The following ATAD2 variants were observed in gnomAD, a reference collection of about 807,000 sequenced individuals.
The protein encoded by ATAD2 is ATPase family AAA domain-containing protein 2.
Under a neutral mutation model 168.9 loss-of-function variants are expected in ATAD2, and 62 were observed. The ratio of observed to expected loss-of-function variants is 0.37; its 90% CI spans 0.30 to 0.45. The LOEUF is 0.45. Ranked by LOEUF, ATAD2 falls within the 20% of genes least tolerant of loss-of-function variation. The pLI, the probability that ATAD2 is intolerant of heterozygous loss-of-function variation, is 1.00. For missense variants in ATAD2, 1,419 were observed against 1,667.8 expected, an observed-to-expected ratio of 0.85 and a Z score of 2.60; for synonymous variants, 613 against 571.6, an observed-to-expected ratio of 1.07 and a Z score of -1.03.
intron 14 of ATAD2, among the ~76,000 whole-genome samples, chr8:123,348,505 A>G (rs1828330266): frequency 6.6e-6 from 1 of 151,924 alleles, no homozygotes; most frequent in African/African-American, 2.4e-5. Flanking sequence ...GGTGAAAACC[A>G]CTCTCTACTA....
intron 1 of ATAD2, among the ~76,000 whole-genome samples, chr8:123,412,251 C>T (rs1371681475): frequency 6.6e-6 from 1 of 152,134 alleles, no homozygotes; most frequent in Non-Finnish European, 1.5e-5. Context: ...ATGAGAGATG[C>T]ATTTGTATCT....
Position 123,380,703 on chromosome 8 carries a change from C to G in ATAD2, c.172-26G>C, listed in dbSNP as rs577257605. 126 of 1,588,112 alleles carry G rather than the reference C, an allele frequency of 7.9e-5. 1 individual carries two copies. The South Asian group carries it at 1.4e-3, about 17-fold the overall frequency. ...CTTTAAGAAAAATTAAGAAAGCCAT[C>G]TAAGTTTTTCTTTACAAAACTCCAA... On this transcript the variant is annotated intron_variant, in intron 1 of 27. Coordinates refer to ENST00000287394, the MANE Select transcript of ATAD2 (RefSeq NM_014109.4).
intron 2 of ATAD2, among the ~76,000 whole-genome samples, chr8:123,378,493 G>T (rs1287663560): frequency 6.6e-6 from 1 of 151,996 alleles, no homozygotes; most frequent in African/African-American, 2.4e-5. Context: ...CCTGAAGTCA[G>T]GAGTTCGAGA....
intron 26 of ATAD2, among the ~76,000 whole-genome samples, chr8:123,324,108 A>G (rs1223213127): frequency 6.6e-6 from 1 of 152,240 alleles, no homozygotes; most frequent in Non-Finnish European, 1.5e-5. Context: ...TCAGTTCCAC[A>G]TATATTTTTT....
chr8:123,414,703 A>G (rs1262189848), intron 1 of ATAD2, among the ~76,000 whole-genome samples: 1 of 152,244 alleles, frequency 6.6e-6, no homozygotes, highest in Non-Finnish European at 1.5e-5. Flanking sequence ...CTTACCGTAT[A>G]GAAGGTAGGG....
In ATAD2 at chr8:123,396,268, A is replaced by G; in HGVS notation, c.90T>C (p.Ser30=). Residue 30 remains serine, a synonymous_variant, in exon 1 of 28, where the codon AGT becomes AGC. Coordinates refer to ENST00000287394, the MANE Select transcript of ATAD2 (RefSeq NM_014109.4). ...GSLDLSSDFL[S]LEHIGRRRLR... is the part of the protein sequence containing the mutation. ...GCCGCCTCCGGCCGATGTGCTCCAG[A>G]CTGAGGAAGTCACTGGACAGGTCCA... is the stretch of plus-strand genomic sequence containing the variant. 2 of 1,611,062 alleles carry G rather than the reference A, an allele frequency of 1.2e-6. No individual in the cohort carries two copies. Among genetic ancestry groups the G allele is most frequent in the Non-Finnish European group, 1.7e-6 (2 of 1,179,598 alleles).
At chr8:123,377,467 A>G (rs1447041689) in intron 2 of ATAD2, among the ~76,000 whole-genome samples, 1 of 152,200 alleles carries the variant, frequency 6.6e-6, no homozygotes, top group East Asian at 1.9e-4. Flanking sequence ...TTAAAGGTAA[A>G]AACAGGACTT....
In ATAD2 at chr8:123,346,306, G is replaced by GA. The variant is rs546480702; in HGVS notation, c.2346-35dup. On this transcript the variant is annotated intron_variant, in intron 17 of 27. Transcript: ENST00000287394. ...GAAATGATTAATAAGCTATGTTTTA[G>GA]AAAAAACAGTTTAAATTTTCCCCCT... 394 of 1,506,522 alleles carry GA rather than the reference G, an allele frequency of 2.6e-4. 1 individual carries two copies. The African/African-American group carries it at 4.6e-3, about 17-fold the overall frequency. 93.3% of individuals were successfully genotyped at this position (1,506,522 alleles called of 1,614,324 possible).
rs1480911034 is a variant in ATAD2, at chr8:123,371,732, A to G, written c.474T>C (p.Cys158=). The change falls in exon 4 of 28, where the codon TGT becomes TGC. Residue 158 remains cysteine, a synonymous_variant. Transcript: ENST00000287394. ...DNGDVEVRRS[C]RIRSRYSGVN... ...CACCACTATAACGACTTCTAATCCT[A>G]CAACTTCGACGCACTTCAACATCAC... The G allele has an allele frequency of 3.1e-6, 5 of 1,613,490 alleles. No individual in the cohort carries two copies. Among genetic ancestry groups the G allele is most frequent in the Non-Finnish European group, 4.2e-6 (5 of 1,179,832 alleles).
At position 123,337,654 on chromosome 8, in the gene ATAD2, C is replaced by T. The variant is rs987431777; in HGVS notation, c.3022G>A (p.Val1008Met). ...TCAGGGTCAACAGGCTTAGTAAACA[C>T]TCGGAATCGCTTGTCAATAGCAAGC... Reference protein sequence around the residue: ...HRLAIDKRFRVFTKPVDPDEV... With the variant: ...HRLAIDKRFRMFTKPVDPDEV... The change falls in exon 21 of 28, where the codon GTG (valine) becomes ATG (methionine). Residue 1008 changes from valine to methionine, a missense_variant. Around this residue, in one of 5 missense-constraint regions of ATAD2, gnomAD observed 545 missense variants for 724.9 expected, o/e 0.75. Transcript: ENST00000287394. 6 of 1,611,486 alleles carry T rather than the reference C, an allele frequency of 3.7e-6. No individual in the cohort carries two copies. Among genetic ancestry groups the T allele is most frequent in the Non-Finnish European group, 5.1e-6 (6 of 1,178,896 alleles).
At chr8:123,337,848 A>C in intron 20 of ATAD2, 27 bp from the exon 21 acceptor site, 1 of 1,563,258 alleles carries the variant, frequency 6.4e-7, no homozygotes, top group Middle Eastern at 1.7e-4. Context: ...GAATTTAGTT[A>C]CTGCTCCTCC....
chr8:123,339,079 T>C (rs750551547), intron 20 of ATAD2, among the ~76,000 whole-genome samples: 1 of 152,134 alleles, frequency 6.6e-6, no homozygotes, highest in Non-Finnish European at 1.5e-5. Context: ...AGAACACAAG[T>C]GCCCAAAATG....
At position 123,392,504 on chromosome 8, in the gene ATAD2, A is replaced by G. The variant is rs190830883; in HGVS notation, c.171+3683T>C. ...CTGTGCATCAGTTTTCTCATAAAAA[A>G]AAAATCTTACCTACCTCATAAGGTT... On this transcript the variant is annotated intron_variant, in intron 1 of 27. Coordinates refer to ENST00000287394, the MANE Select transcript of ATAD2 (RefSeq NM_014109.4). Among the ~76,000 whole-genome samples the G allele has an allele frequency of 4.5e-3, 685 of 152,282 alleles. 4 individuals carry two copies. The highest frequency in any genetic ancestry group is 0.016 in the African/African-American group (671 of 41,556).
Position 123,395,687 on chromosome 8 carries a change from T to C in ATAD2, c.171+500A>G, listed in dbSNP as rs539695467. ...TGCAACCTGGTATTATTCACTGCGC[T>C]GTTATTACGGAACTCCTCTGGATCG... is the stretch of plus-strand genomic sequence containing the variant. On this transcript the variant is annotated intron_variant, in intron 1 of 27. Transcript: ENST00000287394. 7.9e-5 allele frequency among the ~76,000 whole-genome samples: 12 copies of C among 152,310 alleles called. No individual in the cohort carries two copies. The South Asian group carries it at 2.5e-3, about 32-fold the overall frequency.
intron 25 of ATAD2, among the ~76,000 whole-genome samples, chr8:123,327,273 T>C (rs775067175): frequency 7.9e-5 from 12 of 152,188 alleles, no homozygotes; most frequent in Non-Finnish European, 1.6e-4. Context: ...TCAGACTTCC[T>C]GATATCGAAG....
intron 1 of ATAD2, among the ~76,000 whole-genome samples, chr8:123,394,759 G>T (rs1812751576): frequency 6.6e-6 from 1 of 152,186 alleles, no homozygotes; most frequent in South Asian, 2.1e-4. Context: ...CACATTTTCT[G>T]AACACAGGTT....
In ATAD2 at chr8:123,396,258, T is replaced by G. The variant is rs761440920; in HGVS notation, c.100A>C (p.Ile34Leu). 1 of 1,610,344 alleles carries G rather than the reference T, an allele frequency of 6.2e-7. No individual in the cohort carries two copies. Among genetic ancestry groups the G allele is most frequent in the South Asian group, 1.1e-5 (1 of 90,968 alleles). Residue 34 changes from isoleucine (I) to leucine (L), a missense_variant, in exon 1 of 28, where the codon ATC (isoleucine) becomes CTC (leucine). Physicochemically the swap from Ile to Leu is conservative, Grantham distance 5. Coordinates refer to ENST00000287394, the MANE Select transcript of ATAD2 (RefSeq NM_014109.4). ...LSSDFLSLEH[I>L]GRRRLRSAGA... is the part of the protein sequence containing the mutation. ...GCCGAGCGGAGCCGCCTCCGGCCGA[T>G]GTGCTCCAGACTGAGGAAGTCACTG...
chr8:123,402,185 A>G lies in ATAD2; in HGVS notation c.-2281-1010T>C. On this transcript the variant is annotated intron_variant, in intron 1 of 28. Coordinates refer to the ATAD2 transcript ENST00000521903. The surrounding 1 kb of genome is among the most constrained non-coding windows in gnomAD (Gnocchi z 4.8). ...CGGGCATAGCCTCCCTCCATCACTG[A>G]GTGGTCCACAGATTTGCACTACGGG... 1.5e-6 allele frequency: 1 copy of G among 658,996 alleles called. No individual in the cohort carries two copies. Among genetic ancestry groups the G allele is most frequent in the Non-Finnish European group, 2.8e-6 (1 of 361,440 alleles). 40.8% of individuals were successfully genotyped at this position (658,996 alleles called of 1,614,324 possible).
intron 2 of ATAD2, among the ~76,000 whole-genome samples, chr8:123,372,910 T>G (rs1202008703): frequency 6.7e-6 from 1 of 150,350 alleles, no homozygotes; most frequent in Admixed American, 6.6e-5. Context: ...TTTTTTTTTT[T>G]GAGACGGAGT....
Sources: allele counts gnomAD v4.1 joint callset (sites outside exome capture counted in the v4.1 genomes callset), GRCh38; gene constraint gnomAD v4.1.1; regional missense constraint gnomAD v4.1.1; non-coding constraint Gnocchi (gnomAD v3.1); transcripts MANE v1.5; gene names NCBI Gene and HGNC (gene_info 2026-07-23, HGNC 2026-07-21).